MACO1: variants seen among roughly 807,000 people sequenced by gnomAD.
MACO1 encodes macoilin 1.
In MACO1, 14 loss-of-function variants were observed where a neutral mutation model predicts 78.7. The observed-to-expected ratio is 0.18, with a 90% CI of 0.12 to 0.28. MACO1 has a LOEUF of 0.28. Among genes scored for constraint, MACO1 ranks in the 10% least tolerant of loss-of-function variants. MACO1 has a pLI of 1.00. For missense variants in MACO1, 501 were observed against 799.0 expected (o/e 0.63, Z 4.50); for synonymous variants, 288 against 291.6 (o/e 0.99, Z 0.12).
rs1557663246 is a variant in MACO1 at position 25,454,483 on chromosome 1, TATATA to T, written c.473+102_473+106del. On this transcript the variant is annotated intron_variant, in intron 4 of 10. Coordinates refer to ENST00000374343, the MANE Select transcript of MACO1 (RefSeq NM_018202.6). ...GTGTGTGTGTGTGTATATATATATA[TATATA>T]TTTTTTTTTTTTTTAGACGGAGTCT... The T allele has an allele frequency of 1.8e-4, 29 of 164,028 alleles. 2 individuals are homozygous for T. Among genetic ancestry groups the T allele is most frequent in the African/African-American group, 8.2e-4 (21 of 25,566 alleles). The allele number at this position is 164,028 out of a possible 1,614,324, so 10.2% of individuals were successfully genotyped here.
intron 10 of MACO1, among the ~76,000 whole-genome samples, chr1:25,494,559 C>T (rs1427439352): frequency 5.3e-5 from 8 of 152,018 alleles, no homozygotes; most frequent in East Asian, 1.9e-4. Flanking sequence ...GACTGTTAAG[C>T]GGGAAATCTC....
At position 25,475,120 on chromosome 1, in the gene MACO1, G is replaced by A. The variant is rs570447554; in HGVS notation, c.1155-8996G>A. 5.3e-5 allele frequency among the ~76,000 whole-genome samples: 8 copies of A among 152,274 alleles called. No individual in the cohort carries two copies. In the East Asian group the frequency reaches 9.6e-4, roughly 18 times the overall value. ...AGCACTTTGGGAGGCCGAGGCGGGC[G>A]GATCACGAGGTCAGGAGATCGAGAC... is the stretch of plus-strand genomic sequence containing the variant. On this transcript the variant is annotated intron_variant, in intron 6 of 10. Coordinates refer to ENST00000374343, the MANE Select transcript of MACO1 (RefSeq NM_018202.6).
chr1:25,456,959 G>T, intron 5 of MACO1, 128 bp downstream of exon 5: 6 of 904,578 alleles, frequency 6.6e-6, no homozygotes, highest in East Asian at 2.9e-5. Context: ...CCTCCTCAGG[G>T]TCATTGTTTT....
intron 6 of MACO1, among the ~76,000 whole-genome samples, chr1:25,459,812 C>A (rs1388073768): frequency 6.6e-6 from 1 of 152,090 alleles, no homozygotes; most frequent in Non-Finnish European, 1.5e-5. Flanking sequence ...CATTGACTGG[C>A]TCAGACTTAA....
At chr1:25,463,319 A>G (rs528983946) in intron 6 of MACO1, among the ~76,000 whole-genome samples, 2 of 152,342 alleles carry the variant, frequency 1.3e-5, no homozygotes, top group South Asian at 4.1e-4. Context: ...TTGCTAAGGT[A>G]AAGAAATGTG....
chr1:25,445,005 C>T (rs918366867), intron 1 of MACO1, among the ~76,000 whole-genome samples: 27 of 151,448 alleles, frequency 1.8e-4, no homozygotes, highest in Admixed American at 1.6e-3. Flanking sequence ...AAAGGTGGGA[C>T]TTAGGATTCA....
chr1:25,435,906 A>G (rs1315920513), intron 1 of MACO1, among the ~76,000 whole-genome samples: 1 of 152,178 alleles, frequency 6.6e-6, no homozygotes, highest in Non-Finnish European at 1.5e-5. Context: ...CTTTCCTCCA[A>G]CTTTCATTAT....
At chr1:25,480,964 A>ATG (rs1413911475) in intron 6 of MACO1, among the ~76,000 whole-genome samples, 1 of 105,516 alleles carries the variant, frequency 9.5e-6, no homozygotes, top group African/African-American at 3.5e-5. Flanking sequence ...ATATATATAT[A>ATG]TATATATATA....
chr1:25,498,312 T>C lies in MACO1; in HGVS notation c.1841T>C (p.Ile614Thr). 1 of 1,614,210 alleles carries C rather than the reference T, an allele frequency of 6.2e-7. No homozygotes were observed. The highest frequency in any genetic ancestry group is 8.5e-7 in the Non-Finnish European group (1 of 1,180,034). The change falls in exon 11 of 11, where the codon ATA becomes ACA. Residue 614 changes from isoleucine (I) to threonine (T), a missense_variant. This residue lies in a region of MACO1 where 66 missense variants were observed against 101.6 expected (regional missense o/e 0.65). Coordinates refer to ENST00000374343, the MANE Select transcript of MACO1 (RefSeq NM_018202.6). ...GAAATCAAGGACCTAAAACAGAAGA[T>C]AGCCGAAGTCATGGCCGTCATGCCC... The part of the protein sequence containing the change: ...DQEIKDLKQK[I>T]AEVMAVMPSI...
intron 6 of MACO1, among the ~76,000 whole-genome samples, chr1:25,468,170 A>C (rs776178488): frequency 1.3e-5 from 2 of 151,936 alleles, no homozygotes; most frequent in Non-Finnish European, 2.9e-5. Context: ...AAGACACATG[A>C]GTGTACTTAC....
intron 6 of MACO1, among the ~76,000 whole-genome samples, chr1:25,461,291 A>T (rs1009110614): frequency 6.6e-6 from 1 of 152,104 alleles, no homozygotes; most frequent in Admixed American, 6.6e-5. Flanking sequence ...CAGCACACCA[A>T]CATGGCACGT....
chr1:25,436,110 A>G (rs944493366), intron 1 of MACO1, among the ~76,000 whole-genome samples: 1 of 152,056 alleles, frequency 6.6e-6, no homozygotes, highest in African/African-American at 2.4e-5. Flanking sequence ...CCTCTCTTGA[A>G]CCTCACTAGA....
chr1:25,456,540 A>G, intron 4 of MACO1, 113 bp from the exon 5 acceptor site: 2 of 1,081,278 alleles, frequency 1.8e-6, no homozygotes, highest in South Asian at 1.5e-5. Context: ...CTCAACTACC[A>G]TCATCAATTA....
rs2043098005 is a variant in MACO1, at chr1:25,454,436, ATATGTGTGTGTGTGTGTGTG to A, written c.473+56_473+75del. 4.5e-5 allele frequency: 33 copies of A among 734,984 alleles called. No individual in the cohort carries two copies. The African/African-American group carries it at 6.1e-4, about 14-fold the overall frequency. The allele number at this position is 734,984 out of a possible 1,614,324, so 45.5% of individuals were successfully genotyped here. On this transcript the variant is annotated intron_variant, in intron 4 of 10. Coordinates refer to ENST00000374343, the MANE Select transcript of MACO1 (RefSeq NM_018202.6). The stretch of plus-strand genomic sequence containing the variant: ...TGTGTGTATATGTGTGTATGTATAT[ATATGTGTGTGTGTGTGTGTG>A]TGTGTGTGTGTGTGTATATATATAT...
In MACO1 at chr1:25,431,239, G is replaced by A. The variant is rs972426814; in HGVS notation, c.80+61G>A. On this transcript the variant is annotated intron_variant, in intron 1 of 10. Coordinates refer to ENST00000374343, the MANE Select transcript of MACO1 (RefSeq NM_018202.6). The stretch of plus-strand genomic sequence containing the variant: ...CCTGCGGTCCCCCTCCAGCTCCGAG[G>A]GGCCTGGCCCCGTTATGTAACCCCG... 5.1e-6 allele frequency: 7 copies of A among 1,378,052 alleles called. No individual in the cohort carries two copies. In the African/African-American group the frequency reaches 9.0e-5, roughly 18 times the overall value. 85.4% of individuals were successfully genotyped at this position (1,378,052 alleles called of 1,614,324 possible).
Position 25,458,516 on chromosome 1 carries a change from G to A in MACO1, c.778G>A (p.Asp260Asn). ...ATACCGAGAAAAAGGGAAAGAAAAG[G>A]ACAAGGATGCCAAAAAACACAACCT... ...IEYREKGKEK[D>N]KDAKKHNLGI... Residue 260 changes from aspartate (D) to asparagine (N), a missense_variant, in exon 6 of 11, where the codon GAC (aspartate) becomes AAC (asparagine). Asp to Asn is a conservative substitution (Grantham distance 23, BLOSUM62 1). This residue lies in a region of MACO1 where 90 missense variants were observed against 85.7 expected (regional missense o/e 1.05). Coordinates refer to ENST00000374343, the MANE Select transcript of MACO1 (RefSeq NM_018202.6). 1 of 1,613,702 alleles carries A rather than the reference G, an allele frequency of 6.2e-7. No homozygotes were observed. Among genetic ancestry groups the A allele is most frequent in the Non-Finnish European group, 8.5e-7 (1 of 1,179,916 alleles).
chr1:25,489,610 C>A (rs914465473), intron 9 of MACO1, among the ~76,000 whole-genome samples: 3 of 152,142 alleles, frequency 2.0e-5, no homozygotes, highest in African/African-American at 7.2e-5. Flanking sequence ...TTGAAACTTA[C>A]ACACCTCCTT....
chr1:25,480,929 A>AAAAAAAATAT (rs1553166539), intron 6 of MACO1, among the ~76,000 whole-genome samples: 10 of 47,896 alleles, frequency 2.1e-4, no homozygotes, highest in African/African-American at 6.8e-4. Context: ...AAAAAAAAAA[A>AAAAAAAATAT]ATATATATAT....
intron 1 of MACO1, among the ~76,000 whole-genome samples, chr1:25,445,480 T>A (rs1010913096): frequency 2.0e-5 from 3 of 152,198 alleles, no homozygotes; most frequent in African/African-American, 7.2e-5. Context: ...CAAATGTTTC[T>A]GTTCTTGACA....
Sources: gnomAD v4.1 joint callset for allele counts (sites outside exome capture counted in the v4.1 genomes callset) on GRCh38, gnomAD v4.1.1 for gene constraint, gnomAD v4.1.1 regional missense constraint, MANE v1.5 for transcripts, NCBI Gene and HGNC (gene_info 2026-07-23, HGNC 2026-07-21) for gene names.